MACF1: variants seen among roughly 807,000 people sequenced by gnomAD.
MACF1 encodes the protein microtubule actin crosslinking factor 1.
Under a neutral mutation model 854.8 loss-of-function variants are expected in MACF1, and 193 were observed. The ratio of observed to expected loss-of-function variants is 0.23; its 90% CI spans 0.20 to 0.25. MACF1 has a LOEUF of 0.25. MACF1 is among the 10% of genes least tolerant of loss of function. MACF1 has a pLI of 1.00. For synonymous variants in MACF1, 3,185 were observed against 3,226.7 expected (o/e 0.99, Z 0.44); for missense variants, 7,722 against 8,929.1 (o/e 0.86, Z 5.45).
chr1:39,111,930 C>G (rs1642417376), intron 2 of MACF1, among the ~76,000 whole-genome samples: 1 of 152,236 alleles, frequency 6.6e-6, no homozygotes, highest in East Asian at 1.9e-4. Context: ...TTGACTTACT[C>G]TGCACACCCA....
Position 39,334,662 on chromosome 1 carries a change from G to A in MACF1, c.8074G>A (p.Gly2692Arg), listed in dbSNP as rs1324873566. 7 of 1,613,934 alleles carry A rather than the reference G, an allele frequency of 4.3e-6. No individual in the cohort carries two copies. In the Admixed American group the frequency reaches 5.0e-5, roughly 12 times the overall value. The change falls in exon 37 of 101, where the codon GGA (glycine) becomes AGA (arginine). Residue 2692 changes from glycine (G) to arginine (R), a missense_variant. By Grantham distance (125) the Gly-to-Arg change is moderately radical. This residue lies in a region of MACF1 where 1,531 missense variants were observed against 1,601.6 expected (regional missense o/e 0.96). Coordinates refer to ENST00000564288, the MANE Select transcript of MACF1 (RefSeq NM_001394062.1). ...TCTAGAAGCCCAGGCAAATACTGGT[G>A]GAATCATAGATACTGCTACTGGAAA... Reference protein sequence around the residue: ...KVLEAQANTGGIIDTATGKRL... With the variant: ...KVLEAQANTGRIIDTATGKRL...
At chr1:39,483,892 C>T (rs1213548446) in intron 99 of MACF1, among the ~76,000 whole-genome samples, 1 of 152,200 alleles carries the variant, frequency 6.6e-6, no homozygotes, top group East Asian at 1.9e-4. Flanking sequence ...TGGCTCACAC[C>T]TGTAATCCTA....
intron 2 of MACF1, among the ~76,000 whole-genome samples, chr1:39,094,207 G>A (rs921252904): frequency 3.3e-5 from 5 of 152,080 alleles, no homozygotes; most frequent in African/African-American, 1.2e-4. Context: ...CATTTTGAGA[G>A]GCCAAGGTGG....
At position 39,448,637 on chromosome 1, in the gene MACF1, C is replaced by A. The variant is rs1297441562; in HGVS notation, c.20132C>A (p.Thr6711Asn). ...TLGGKQPVYDTTIRTGRALKE... is the reference protein window; with the variant it reads ...TLGGKQPVYDNTIRTGRALKE... ...GGTGGCAAGCAGCCTGTGTATGATA[C>A]CACAATTAGAACTGGCAGAGCACTG... is the stretch of plus-strand genomic sequence containing the variant. The change falls in exon 84 of 101, where the codon ACC becomes AAC. Residue 6711 changes from threonine to asparagine, a missense_variant. This residue lies in a region of MACF1 where 729 missense variants were observed against 900.5 expected (regional missense o/e 0.81). Coordinates refer to ENST00000564288, the MANE Select transcript of MACF1 (RefSeq NM_001394062.1). The A allele has an allele frequency of 6.2e-7, 1 of 1,609,816 alleles. No individual in the cohort carries two copies. Among genetic ancestry groups the A allele is most frequent in the Non-Finnish European group, 8.5e-7 (1 of 1,177,634 alleles).
At chr1:39,368,859 G>T (rs1410951447) in intron 50 of MACF1, among the ~76,000 whole-genome samples, 1 of 152,030 alleles carries the variant, frequency 6.6e-6, no homozygotes, top group Non-Finnish European at 1.5e-5. Context: ...CCCTCTCTTT[G>T]TGATCAGAAG....
At chr1:39,295,753 CA>C in intron 19 of MACF1, 33 bp from the exon 20 acceptor site, 2 of 1,528,460 alleles carry the variant, frequency 1.3e-6, no homozygotes, top group Non-Finnish European at 1.8e-6. Context: ...CTGTTAAACT[CA>C]AGCCCTTCTG....
chr1:39,406,738 C>CA (rs5773658), intron 58 of MACF1, among the ~76,000 whole-genome samples: 7,119 of 31,340 alleles, frequency 0.23, 872 homozygotes, highest in Non-Finnish European at 0.29. Context: ...GAGTCTCACT[C>CA]AAAAAAAAAA....
rs756026858 is a variant in MACF1 at position 39,335,350 on chromosome 1, C to A, written c.8762C>A (p.Ser2921Tyr). 3 of 1,613,654 alleles carry A rather than the reference C, an allele frequency of 1.9e-6. No individual in the cohort carries two copies. The highest frequency in any genetic ancestry group is 2.2e-5 in the South Asian group (2 of 91,006). ...EKAVTKIEII[S>Y]HMKQSTSCLD... ...GCAGTGACAAAAATAGAAATTATTT[C>A]TCATATGAAGCAGTCTACCTCATGT... is the stretch of plus-strand genomic sequence containing the variant. The change falls in exon 37 of 101, where the codon TCT becomes TAT. Residue 2921 changes from serine to tyrosine, a missense_variant. By Grantham distance (144) the Ser-to-Tyr change is moderately radical. Around this residue, in one of 15 missense-constraint regions of MACF1, gnomAD observed 854 missense variants for 852.6 expected, o/e 1.00. Transcript: ENST00000564288.
At chr1:39,419,058 A>T (rs1332556110) in intron 58 of MACF1, among the ~76,000 whole-genome samples, 1 of 152,216 alleles carries the variant, frequency 6.6e-6, no homozygotes, top group East Asian at 1.9e-4. Flanking sequence ...GTGAAATACT[A>T]AGGAGTAGGA....
chr1:39,464,339 T>A (rs1445773711), intron 94 of MACF1: 1 of 153,086 alleles, frequency 6.5e-6, no homozygotes, highest in East Asian at 1.9e-4. Context: ...CAAAGAGGAT[T>A]TAGATTGCAC....
intron 1 of MACF1, among the ~76,000 whole-genome samples, chr1:39,218,413 A>G (rs1400281480): frequency 3.9e-5 from 6 of 152,206 alleles, no homozygotes; most frequent in Non-Finnish European, 8.8e-5. Context: ...AGACACCAGG[A>G]AATCCAAGTT....
intron 26 of MACF1, among the ~76,000 whole-genome samples, chr1:39,313,543 C>T (rs149929572): frequency 1.3e-5 from 2 of 151,988 alleles, no homozygotes; most frequent in Non-Finnish European, 2.9e-5. Context: ...TCTTCCTTCT[C>T]TCCCTCCCTC....
rs1363452661 is a variant in MACF1, at chr1:39,370,144, T to C, written c.13053T>C (p.Ser4351=). The C allele has an allele frequency of 6.2e-7, 1 of 1,614,010 alleles. No homozygotes were observed. Among genetic ancestry groups the C allele is most frequent in the Non-Finnish European group, 8.5e-7 (1 of 1,179,942 alleles). ...GGAGTATTCCACCTACGGAAACTTC[T>C]ATGAGTGCTAAAGAGTTAGAAAAGC... ...TEGSIPPTET[S]MSAKELEKQI... is the part of the protein sequence containing the mutation. The change falls in exon 51 of 101, where the codon TCT becomes TCC. Residue 4351 remains serine (S), a synonymous_variant. Transcript: ENST00000564288.
At chr1:39,087,586 A>C (rs1180099432) in intron 2 of MACF1, among the ~76,000 whole-genome samples, 1 of 152,172 alleles carries the variant, frequency 6.6e-6, no homozygotes, top group African/African-American at 2.4e-5. Context: ...GCCACATTCA[A>C]ATGTAACAAG....
rs1646914668 is a variant in MACF1, at chr1:39,340,567, GATTAT to G, written c.10282_10286del (p.Ile3428HisfsTer31). On this transcript the variant is annotated frameshift_variant, in exon 39 of 101. Transcript: ENST00000564288. LOFTEE classifies it high-confidence loss of function. Reference sequence around the variant, plus strand: ...GTCAGGAGCTGGAGTGTGTGAATCAGATTATCATCAGCCAGCCTCAAGAAGTTCCT... The same window carrying G: ...GTCAGGAGCTGGAGTGTGTGAATCAGCATCAGCCAGCCTCAAGAAGTTCCT... 6.2e-7 allele frequency: 1 copy of G among 1,614,104 alleles called. No individual in the cohort carries two copies. Among genetic ancestry groups the G allele is most frequent in the Non-Finnish European group, 8.5e-7 (1 of 1,180,028 alleles).
At chr1:39,322,781 C>G in intron 32 of MACF1, 66 bp downstream of exon 32, 1 of 1,566,516 alleles carries the variant, frequency 6.4e-7, no homozygotes. Flanking sequence ...TTGCCTGGGC[C>G]TTACATTTTG....
intron 2 of MACF1, among the ~76,000 whole-genome samples, chr1:39,111,598 G>A (rs1642407815): frequency 1.3e-5 from 2 of 152,046 alleles, no homozygotes; most frequent in South Asian, 4.2e-4. Flanking sequence ...AGCCAGGATG[G>A]TCTCGATCTT....
intron 2 of MACF1, among the ~76,000 whole-genome samples, chr1:39,246,684 A>G (rs960870675): frequency 6.6e-6 from 1 of 150,714 alleles, no homozygotes; most frequent in Non-Finnish European, 1.5e-5. Flanking sequence ...AATTTTTTGT[A>G]TTTTTAGTAG....
chr1:39,171,304 G>A (rs1227705773), intron 2 of MACF1, among the ~76,000 whole-genome samples: 3 of 151,566 alleles, frequency 2.0e-5, no homozygotes, highest in Non-Finnish European at 4.4e-5. Context: ...ATCATTGTAA[G>A]TACTTTAAAG....
Sources: gnomAD v4.1 joint callset for allele counts (sites outside exome capture counted in the v4.1 genomes callset) on GRCh38, gnomAD v4.1.1 for gene constraint, gnomAD v4.1.1 regional missense constraint, MANE v1.5 for transcripts, NCBI Gene and HGNC (gene_info 2026-07-23, HGNC 2026-07-21) for gene names.